The following BCR variants were observed in gnomAD, a reference collection of about 807,000 sequenced individuals.
BCR encodes the protein breakpoint cluster region protein.
A neutral mutation model predicts 138.6 loss-of-function variants in BCR; 58 were observed. The observed-to-expected ratio is 0.42, with a 90% confidence interval of 0.34 to 0.52. BCR has a LOEUF of 0.52. Among genes scored for constraint, BCR ranks in the 20% least tolerant of loss-of-function variants. The pLI, the probability that BCR is intolerant of heterozygous loss-of-function variation, is 0.06. For missense variants in BCR, 1,599 were observed against 1,727.2 expected, an observed-to-expected ratio of 0.93 and a Z score of 1.32; for synonymous variants, 786 against 730.1, an observed-to-expected ratio of 1.08 and a Z score of -1.23.
chr22:23,191,516 A>G (rs1326099902), intron 1 of BCR, among the ~76,000 whole-genome samples: 1 of 152,156 alleles, frequency 6.6e-6, no homozygotes, highest in Non-Finnish European at 1.5e-5. Flanking sequence ...TCTTTCTTTA[A>G]CGGTATATTT....
intron 1 of BCR, among the ~76,000 whole-genome samples, chr22:23,187,854 A>G (rs2072366052): frequency 1.3e-5 from 2 of 152,210 alleles, no homozygotes; most frequent in South Asian, 4.1e-4. Context: ...TCCAGGTGTC[A>G]GTTGTGAGAC....
chr22:23,281,237 G>T (rs1297229555), intron 8 of BCR, among the ~76,000 whole-genome samples: 1 of 152,242 alleles, frequency 6.6e-6, no homozygotes, highest in Admixed American at 6.5e-5. Flanking sequence ...TGAGGCCCTG[G>T]CCCTCTCTGT....
rs181332083 is a variant in BCR, at chr22:23,211,630, G to A, written c.1279+29391G>A. Among the ~76,000 whole-genome samples the A allele has an allele frequency of 1.1e-3, 168 of 152,098 alleles. 6 individuals are homozygous for A. Among genetic ancestry groups the A allele is most frequent in the African/African-American group, 1.9e-3 (80 of 41,442 alleles). On this transcript the variant is annotated intron_variant, in intron 1 of 22. Coordinates refer to ENST00000305877, the MANE Select transcript of BCR (RefSeq NM_004327.4). The stretch of plus-strand genomic sequence containing the variant: ...CTCCCGAGCAGCTGGGATTACAGGC[G>A]CCCACCACCACGCCTGGCTAGTTTT...
Position 23,181,050 on chromosome 22 carries a change from C to T in BCR, c.90C>T (p.Asp30=), listed in dbSNP as rs757514327. ...PPRMELRSVG[D]IEQELERCKA... ...GCATGGAGCTGCGCTCAGTGGGCGA[C>T]ATCGAGCAGGAGCTGGAGCGCTGCA... Residue 30 remains aspartate, a synonymous_variant, in exon 1 of 23, where the codon GAC becomes GAT. Coordinates refer to ENST00000305877, the MANE Select transcript of BCR (RefSeq NM_004327.4). 9.2e-6 allele frequency: 14 copies of T among 1,521,846 alleles called. No homozygotes were observed. The highest frequency in any genetic ancestry group is 7.8e-5 in the Admixed American group (4 of 51,538). 94.3% of individuals were successfully genotyped at this position (1,521,846 alleles called of 1,614,324 possible). A position where few individuals can be genotyped will look rare whatever the true frequency, so the allele number is the denominator to read the frequency against.
chr22:23,244,322 T>C (rs1341220500), intron 1 of BCR, among the ~76,000 whole-genome samples: 2 of 152,234 alleles, frequency 1.3e-5, no homozygotes, highest in Non-Finnish European at 2.9e-5. Flanking sequence ...AAAAAGACTC[T>C]TTCCAGGTAA....
At chr22:23,266,815 C>T (rs2073448674) in intron 4 of BCR, among the ~76,000 whole-genome samples, 2 of 152,204 alleles carry the variant, frequency 1.3e-5, no homozygotes, top group Non-Finnish European at 2.9e-5. Flanking sequence ...TCCGGAGGCA[C>T]ATTTTTGATT....
chr22:23,214,134 T>C (rs2072721024), intron 1 of BCR, among the ~76,000 whole-genome samples: 1 of 151,948 alleles, frequency 6.6e-6, no homozygotes, highest in African/African-American at 2.4e-5. Context: ...ATTGTTGTTA[T>C]CGTAGTTGCT....
chr22:23,276,322 C>G (rs1359834999), intron 8 of BCR, among the ~76,000 whole-genome samples: 1 of 151,662 alleles, frequency 6.6e-6, no homozygotes, highest in Non-Finnish European at 1.5e-5. Context: ...TCTCGTGAAC[C>G]TGGGAGGCGG....
intron 1 of BCR, among the ~76,000 whole-genome samples, chr22:23,196,312 G>A (rs1225474497): frequency 6.6e-6 from 1 of 152,174 alleles, no homozygotes; most frequent in African/African-American, 2.4e-5. Context: ...AGGCCAGGGT[G>A]GGAGCCGGGA....
Position 23,273,794 on chromosome 22 carries a change from G to A in BCR, c.2115+20G>A, listed in dbSNP as rs772291492. 1.9e-6 allele frequency: 3 copies of A among 1,613,130 alleles called. No individual in the cohort carries two copies. The highest frequency in any genetic ancestry group is 2.5e-6 in the Non-Finnish European group (3 of 1,179,490). ...GGAGAGGTGAGTGTGGCAGGGGATG[G>A]CTTGGGTCCACCCATCCTGCTGAGC... On this transcript the variant is annotated intron_variant, in intron 8 of 22. Coordinates refer to ENST00000305877, the MANE Select transcript of BCR (RefSeq NM_004327.4).
intron 1 of BCR, among the ~76,000 whole-genome samples, chr22:23,196,079 T>C (rs2072478085): frequency 6.6e-6 from 1 of 152,208 alleles, no homozygotes; most frequent in Admixed American, 6.5e-5. Flanking sequence ...TGTGTGTTTT[T>C]TTAAATTGTA....
chr22:23,252,106 C>G (rs761810202), intron 1 of BCR, among the ~76,000 whole-genome samples: 5 of 152,338 alleles, frequency 3.3e-5, no homozygotes, highest in Non-Finnish European at 7.4e-5. Context: ...ATAAGCCACT[C>G]TGTCCTCCTG....
intron 1 of BCR, among the ~76,000 whole-genome samples, chr22:23,189,790 G>A (rs1018397132): frequency 6.6e-5 from 10 of 152,088 alleles, no homozygotes; most frequent in African/African-American, 2.2e-4. Context: ...ATGAGCCACC[G>A]CTCCTAGCCT....
At chr22:23,313,900 A>T in intron 20 of BCR, 68 bp from the exon 21 acceptor site, 1 of 1,268,632 alleles carries the variant, frequency 7.9e-7, no homozygotes, top group Admixed American at 1.7e-5. Flanking sequence ...CAGGTGCTCC[A>T]TGTGAACACC....
chr22:23,210,893 C>T (rs546527816), intron 1 of BCR, among the ~76,000 whole-genome samples: 4 of 152,206 alleles, frequency 2.6e-5, no homozygotes, highest in Non-Finnish European at 5.9e-5. Flanking sequence ...ATCCCACTAA[C>T]ATCTTTATTC....
rs750264294 is a variant in BCR at position 23,309,488 on chromosome 22, G to A, written c.3072+5G>A. Reference sequence around the variant, plus strand: ...ACCGTCATCGCCATGAATGGGGTACGTGTCCGTGGGACTCTCCTGGTGCCC... The same window carrying A: ...ACCGTCATCGCCATGAATGGGGTACATGTCCGTGGGACTCTCCTGGTGCCC... On this transcript the variant is annotated splice_donor_5th_base_variant and intron_variant, in intron 17 of 22. Transcript: ENST00000305877. 6.9e-6 allele frequency: 11 copies of A among 1,592,222 alleles called. No individual in the cohort carries two copies. The highest frequency in any genetic ancestry group is 3.5e-4 in the Middle Eastern group (2 of 5,786).
intron 16 of BCR, among the ~76,000 whole-genome samples, chr22:23,301,308 AAGAC>A (rs1465799117): frequency 1.3e-5 from 2 of 152,254 alleles, no homozygotes; most frequent in Non-Finnish European, 2.9e-5. Context: ...TATCTCAAAA[AAGAC>A]AGAAAAAACC....
chr22:23,202,721 T>TGTGTGTGTGTG (rs369930434), intron 1 of BCR, among the ~76,000 whole-genome samples: 50 of 142,866 alleles, frequency 3.5e-4, no homozygotes, highest in African/African-American at 1.2e-3. Flanking sequence ...ATTCAATTGT[T>TGTGTGTGTGTG]TGTGTGTGTG....
Position 23,181,734 on chromosome 22 carries a change from C to T in BCR, c.774C>T (p.Asp258=), listed in dbSNP as rs769311242. The change falls in exon 1 of 23, where the codon GAC becomes GAT. Residue 258 remains aspartate, a synonymous_variant. Transcript: ENST00000305877. The stretch of plus-strand genomic sequence containing the variant: ...AGTTGAACCCCCGCTTCCTGAAGGA[C>T]AACCTGATCGACGCCAATGGCGGTA... ...DAELNPRFLK[D]NLIDANGGSR... is the part of the protein sequence containing the mutation. 1.2e-6 allele frequency: 2 copies of T among 1,604,168 alleles called. No homozygotes were observed. Among genetic ancestry groups the T allele is most frequent in the East Asian group, 4.5e-5 (2 of 44,862 alleles).
Sources: allele counts gnomAD v4.1 joint callset (sites outside exome capture counted in the v4.1 genomes callset), GRCh38; gene constraint gnomAD v4.1.1; transcripts MANE v1.5; gene names NCBI Gene and HGNC (gene_info 2026-07-23, HGNC 2026-07-21).